Variants in KLHDC4 observed in about 807,000 individuals in gnomAD.
KLHDC4 encodes the protein kelch domain containing 4, also known as kelch domain-containing protein 4.
A neutral mutation model predicts 62.4 loss-of-function variants in KLHDC4; 90 were observed. That is an observed-to-expected ratio of 1.44 (90% CI 1.22 to 1.72). KLHDC4 has a LOEUF of 1.72. Among genes scored for constraint, KLHDC4 ranks in the 40% most tolerant of loss-of-function variants. The pLI is 0.00. For synonymous variants in KLHDC4, 386 were observed against 284.4 expected (o/e 1.36, Z -3.59); for missense variants, 1,025 against 699.7 (o/e 1.47, Z -5.25).
At chr16:87,733,340 C>T (rs972417594) in intron 5 of KLHDC4, among the ~76,000 whole-genome samples, 3 of 152,194 alleles carry the variant, frequency 2.0e-5, no homozygotes, top group Non-Finnish European at 4.4e-5. Context: ...AGGAGGCGCT[C>T]GGGCAGCAGG....
At chr16:87,765,538 AC>A (rs558575095) in intron 1 of KLHDC4, among the ~76,000 whole-genome samples, 64 of 152,154 alleles carry the variant, frequency 4.2e-4, no homozygotes, top group African/African-American at 1.4e-3. Flanking sequence ...CGCCCGTGAC[AC>A]CACACTAAGA....
At chr16:87,717,420 G>A (rs2037221092) in intron 7 of KLHDC4, among the ~76,000 whole-genome samples, 1 of 152,186 alleles carries the variant, frequency 6.6e-6, no homozygotes, top group African/African-American at 2.4e-5. Flanking sequence ...ACATGCAAAT[G>A]ATCCACTGTC....
chr16:87,726,770 T>C lies in KLHDC4; in HGVS notation c.754A>G (p.Lys252Glu), dbSNP rs1193133777. 2 of 1,573,410 alleles carry C rather than the reference T, an allele frequency of 1.3e-6. No homozygotes were observed. The highest frequency in any genetic ancestry group is 2.3e-5 in the South Asian group (2 of 85,886). ...TTCCCCACCCCCCGCCTTACCTGTTTCGAGTAGCCCCCATAGACGACGATG... is the reference window on the plus strand; with the variant it reads ...TTCCCCACCCCCCGCCTTACCTGTTCCGAGTAGCCCCCATAGACGACGATG... The part of the protein sequence containing the change: ...GGIVVYGGYS[K>E]QRVKKDVDKG... The change falls in exon 7 of 12, where the codon AAA (lysine) becomes GAA (glutamate). Residue 252 changes from lysine to glutamate, a missense_variant. Physicochemically the swap from Lys to Glu is moderately conservative, Grantham distance 56. Coordinates refer to ENST00000270583, the MANE Select transcript of KLHDC4 (RefSeq NM_017566.4).
rs2035844371 is a variant in KLHDC4, at chr16:87,711,574, ACT to A, written c.836-133_836-132del. On this transcript the variant is annotated intron_variant, in intron 8 of 11. Coordinates refer to ENST00000270583, the MANE Select transcript of KLHDC4 (RefSeq NM_017566.4). ...GAAAACCGTGAGACTGTGGGCAAAA[ACT>A]CTGCTCCCTCTGCAGAAAAACAGAC... 3 of 701,206 alleles carry A rather than the reference ACT, an allele frequency of 4.3e-6. No individual in the cohort carries two copies. In the South Asian group the frequency reaches 6.0e-5, roughly 14 times the overall value. 43.4% of individuals were successfully genotyped at this position (701,206 alleles called of 1,614,324 possible). A position where few individuals can be genotyped will look rare whatever the true frequency, so the allele number is the denominator to read the frequency against.
chr16:87,701,727 T>C lies in KLHDC4; in HGVS notation c.788A>G (p.Gln263Arg), dbSNP rs184482630. 3 of 456,776 alleles carry C rather than the reference T, an allele frequency of 6.6e-6. No individual in the cohort carries two copies. In the Admixed American group the frequency reaches 7.0e-5, roughly 11 times the overall value. 28.3% of individuals were successfully genotyped at this position (456,776 alleles called of 1,614,324 possible). A position where few individuals can be genotyped will look rare whatever the true frequency, so the allele number is the denominator to read the frequency against. Residue 263 changes from glutamine (Q) to arginine (R), a missense_variant, in exon 1 of 1, where the codon CAG (glutamine) becomes CGG (arginine). Physicochemically the swap from Gln to Arg is conservative, Grantham distance 43. Coordinates refer to the KLHDC4 transcript ENST00000446344. ...ACCCTTCTCGTGCGCCCATGCCACC[T>C]GCTCAGGCCTATGCCGCCCGCCCGT...
At chr16:87,741,257 G>C (rs912306282) in intron 5 of KLHDC4, among the ~76,000 whole-genome samples, 8 of 152,186 alleles carry the variant, frequency 5.3e-5, no homozygotes, top group Non-Finnish European at 1.5e-5. Flanking sequence ...CATAGCAGAA[G>C]GCAGCCAGCC....
rs968651118 is a variant in KLHDC4 at position 87,716,432 on chromosome 16, C to T, written c.760-1859G>A. 5.3e-5 allele frequency among the ~76,000 whole-genome samples: 8 copies of T among 152,306 alleles called. 1 individual carries two copies. The highest frequency in any genetic ancestry group is 7.2e-5 in the African/African-American group (3 of 41,562). ...CATCTTTGTTGCTCGGGTTGTTCAA[C>T]GACACACAGCTGCCACTAGGAGCCT... On this transcript the variant is annotated intron_variant, in intron 7 of 11. Coordinates refer to ENST00000270583, the MANE Select transcript of KLHDC4 (RefSeq NM_017566.4).
At chr16:87,733,877 C>T (rs1020548110) in intron 5 of KLHDC4, among the ~76,000 whole-genome samples, 1 of 152,252 alleles carries the variant, frequency 6.6e-6, no homozygotes, top group Non-Finnish European at 1.5e-5. Flanking sequence ...CCTCTCCACA[C>T]AGGTCACAGC....
Position 87,730,585 on chromosome 16 carries a change from A to G in KLHDC4, c.566T>C (p.Leu189Ser). 1 of 1,613,106 alleles carries G rather than the reference A, an allele frequency of 6.2e-7. No individual in the cohort carries two copies. Among genetic ancestry groups the G allele is most frequent in the Non-Finnish European group, 8.5e-7 (1 of 1,179,778 alleles). Residue 189 changes from leucine (L) to serine (S), a missense_variant, in exon 6 of 12, where the codon TTG (leucine) becomes TCG (serine). By Grantham distance (145) the Leu-to-Ser change is moderately radical. Transcript: ENST00000270583. ...TTCATGGAAGCCACCAAACAGGATCAATTGTCTCTTCCAGGCCACCATCCG... is the reference window on the plus strand; with the variant it reads ...TTCATGGAAGCCACCAAACAGGATCGATTGTCTCTTCCAGGCCACCATCCG... Reference protein sequence around the residue: ...GHRMVAWKRQLILFGGFHEST... With the variant: ...GHRMVAWKRQSILFGGFHEST...
chr16:87,708,881 G>T (rs2035191807), intron 10 of KLHDC4, among the ~76,000 whole-genome samples: 1 of 152,274 alleles, frequency 6.6e-6, no homozygotes, highest in Non-Finnish European at 1.5e-5. Context: ...GGGGTAAAGG[G>T]GACGTGTGAC....
intron 4 of KLHDC4, among the ~76,000 whole-genome samples, chr16:87,749,206 C>A (rs2043509359): frequency 6.6e-6 from 1 of 152,002 alleles, no homozygotes; most frequent in African/African-American, 2.4e-5. Context: ...TAATCCCTCT[C>A]CTTGCTATCA....
chr16:87,764,757 C>G (rs1476940483), intron 1 of KLHDC4, among the ~76,000 whole-genome samples: 1 of 143,862 alleles, frequency 7.0e-6, no homozygotes, highest in Admixed American at 7.0e-5. Context: ...GATGAACTGA[C>G]TTCCTGTGCC....
chr16:87,698,338 G>C (rs1312640848), exon 1 of KLHDC4: 8 of 152,064 alleles, frequency 5.3e-5, no homozygotes, highest in Non-Finnish European at 5.9e-5. Context: ...GGTTGCTGCA[G>C]ACCAGAAGTG....
intron 4 of KLHDC4, 61 bp from the exon 5 acceptor site, chr16:87,748,870 G>A (rs1424499518): frequency 7.5e-6 from 12 of 1,600,806 alleles, no homozygotes; most frequent in Non-Finnish European, 1.0e-5. Context: ...CAGTGTCATG[G>A]GTGACCGGTA....
intron 1 of KLHDC4, 61 bp from the exon 2 acceptor site, chr16:87,762,101 C>G (rs779326284): frequency 8.8e-6 from 14 of 1,597,642 alleles, no homozygotes; most frequent in Non-Finnish European, 1.2e-5. Flanking sequence ...GGAGCCACAG[C>G]CCGCTCAGCT....
intron 4 of KLHDC4, chr16:87,750,137 G>A (rs1315899491): frequency 1.3e-5 from 2 of 152,264 alleles, no homozygotes; most frequent in East Asian, 1.9e-4. Flanking sequence ...GTCTTTAGGG[G>A]ACGGCACACA....
chr16:87,763,992 G>A (rs2046250216), intron 1 of KLHDC4, among the ~76,000 whole-genome samples: 1 of 152,228 alleles, frequency 6.6e-6, no homozygotes, highest in African/African-American at 2.4e-5. Flanking sequence ...GAGACAGCTG[G>A]AAAGACAGGC....
chr16:87,746,198 A>G (rs1350273366), intron 5 of KLHDC4, among the ~76,000 whole-genome samples: 1 of 152,148 alleles, frequency 6.6e-6, no homozygotes, highest in Non-Finnish European at 1.5e-5. Flanking sequence ...TGAGCCCAGG[A>G]GTTTGAGGCT....
chr16:87,762,091 G>C, intron 1 of KLHDC4, 51 bp from the exon 2 acceptor site: 1 of 1,601,254 alleles, frequency 6.2e-7, no homozygotes, highest in South Asian at 1.1e-5. Flanking sequence ...GACCCGCCGC[G>C]GAGCCACAGC....
Sources: gnomAD v4.1 joint callset for allele counts (sites outside exome capture counted in the v4.1 genomes callset) on GRCh38, gnomAD v4.1.1 for gene constraint, MANE v1.5 for transcripts, NCBI Gene and HGNC (gene_info 2026-07-23, HGNC 2026-07-21) for gene names.